HOOK3: variants seen among roughly 807,000 people sequenced by gnomAD.
HOOK3 encodes the protein hook microtubule tethering protein 3.
In HOOK3, 24 loss-of-function variants were observed where a neutral mutation model predicts 116.3. The observed-to-expected ratio is 0.21, with a 90% CI of 0.15 to 0.29. The LOEUF is 0.29. HOOK3 is among the 10% of genes least tolerant of loss of function. The probability of loss-of-function intolerance (pLI) is 1.00; values close to 1 mark genes in which losing one functional copy is unlikely to be tolerated. For synonymous variants in HOOK3, 275 were observed against 283.0 expected (o/e 0.97, Z 0.28); for missense variants, 632 against 830.2 (o/e 0.76, Z 2.93).
intron 2 of HOOK3, among the ~76,000 whole-genome samples, chr8:42,909,027 A>T (rs1014652183): frequency 6.6e-6 from 1 of 152,244 alleles, no homozygotes; most frequent in Non-Finnish European, 1.5e-5. Context: ...TCAAAAGAAG[A>T]TATACAGATG....
At chr8:42,902,597 A>G (rs1269474317) in intron 1 of HOOK3, among the ~76,000 whole-genome samples, 1 of 152,042 alleles carries the variant, frequency 6.6e-6, no homozygotes, top group East Asian at 1.9e-4. Context: ...AAACCCCCCC[A>G]GATGATTCCC....
intron 2 of HOOK3, among the ~76,000 whole-genome samples, chr8:42,909,955 A>T (rs1345187348): frequency 6.6e-6 from 1 of 152,170 alleles, no homozygotes; most frequent in African/African-American, 2.4e-5. Flanking sequence ...AATGGAGGAG[A>T]TGATAGTCAG....
At chr8:42,970,940 G>A (rs894954705) in intron 11 of HOOK3, among the ~76,000 whole-genome samples, 3 of 151,724 alleles carry the variant, frequency 2.0e-5, no homozygotes, top group Non-Finnish European at 2.9e-5. Flanking sequence ...AGTGTGTGCC[G>A]CCACACTCAG....
intron 13 of HOOK3, among the ~76,000 whole-genome samples, chr8:42,975,728 C>A (rs1004509953): frequency 6.6e-6 from 1 of 152,124 alleles, no homozygotes; most frequent in African/African-American, 2.4e-5. Context: ...TATGTTGAGA[C>A]GGAGTCTCGC....
chr8:42,905,845 G>GGAGGCC (rs1474856465), intron 1 of HOOK3, among the ~76,000 whole-genome samples: 1 of 151,322 alleles, frequency 6.6e-6, no homozygotes, highest in Non-Finnish European at 1.5e-5. Flanking sequence ...CAGCACTTCA[G>GGAGGCC]GAGGCCGAGG....
intron 19 of HOOK3, among the ~76,000 whole-genome samples, chr8:43,012,638 T>G (rs1809634680): frequency 6.6e-6 from 1 of 152,218 alleles, no homozygotes; most frequent in Admixed American, 6.5e-5. Flanking sequence ...CTTGCTCTGT[T>G]GCCCAGGCTG....
At chr8:42,911,786 G>A (rs562754251) in intron 2 of HOOK3, among the ~76,000 whole-genome samples, 79 of 152,234 alleles carry the variant, frequency 5.2e-4, no homozygotes, top group African/African-American at 1.8e-3. Context: ...AGTATCCACC[G>A]AAGAGAGTAT....
At chr8:42,998,531 C>T (rs917608000) in intron 16 of HOOK3, among the ~76,000 whole-genome samples, 3 of 152,014 alleles carry the variant, frequency 2.0e-5, no homozygotes, top group Admixed American at 1.3e-4. Flanking sequence ...AATTCCATTT[C>T]GCCTTATTAA....
chr8:42,912,636 A>C (rs1252380754), intron 2 of HOOK3, among the ~76,000 whole-genome samples: 1 of 152,216 alleles, frequency 6.6e-6, no homozygotes, highest in Non-Finnish European at 1.5e-5. Flanking sequence ...AAATATCAGC[A>C]AGAAAATACA....
intron 11 of HOOK3, among the ~76,000 whole-genome samples, 165 bp from the exon 12 acceptor site, chr8:42,973,124 G>T (rs761422363): frequency 1.5e-4 from 23 of 152,150 alleles, no homozygotes; most frequent in African/African-American, 5.6e-4. Flanking sequence ...AATAGTAACC[G>T]GGCAGGTTTT....
rs112310590 is a variant in HOOK3 at position 43,027,419 on chromosome 8, C to G, written c.*8921C>G. The G allele has an allele frequency of 2.8e-5, 9 of 323,910 alleles. No homozygotes were observed. Among genetic ancestry groups the G allele is most frequent in the African/African-American group, 1.7e-4 (5 of 28,760 alleles). The allele number at this position is 323,910 out of a possible 1,614,324, so 20.1% of individuals were successfully genotyped here. ...TTATGAGAACATTCTGTCATTTGTT[C>G]TGTTTGTAGATGAGAGACATGCTTT... On this transcript the variant is annotated 3_prime_UTR_variant, in exon 22 of 22. Coordinates refer to ENST00000307602, the MANE Select transcript of HOOK3 (RefSeq NM_032410.4).
At chr8:42,979,954 CT>C (rs1332932480) in intron 13 of HOOK3, among the ~76,000 whole-genome samples, 1 of 149,112 alleles carries the variant, frequency 6.7e-6, no homozygotes, top group African/African-American at 2.5e-5. Flanking sequence ...TTTGTTTTTT[CT>C]TTTTCTTTTC....
At chr8:43,005,017 A>G (rs1809451531) in intron 17 of HOOK3, among the ~76,000 whole-genome samples, 1 of 152,036 alleles carries the variant, frequency 6.6e-6, no homozygotes, top group African/African-American at 2.4e-5. Flanking sequence ...TGAATGAGGT[A>G]TATTCAAACA....
At chr8:42,994,775 A>G (rs1027093625) in intron 15 of HOOK3, among the ~76,000 whole-genome samples, 4 of 152,110 alleles carry the variant, frequency 2.6e-5, no homozygotes, top group African/African-American at 4.8e-5. Context: ...TTACATTACT[A>G]TTTTTGCTCA....
intron 1 of HOOK3, among the ~76,000 whole-genome samples, chr8:42,901,562 C>G (rs1807189393): frequency 6.6e-6 from 1 of 152,140 alleles, no homozygotes; most frequent in South Asian, 2.1e-4. Flanking sequence ...GGATCTGTTT[C>G]ACTTTGGTCT....
intron 10 of HOOK3, 107 bp downstream of exon 10, chr8:42,966,720 T>G: frequency 1.6e-6 from 2 of 1,218,624 alleles, no homozygotes; most frequent in Non-Finnish European, 2.3e-6. Flanking sequence ...TGGGCTGGGA[T>G]CCCGGGTCTA....
At chr8:43,013,483 C>G in intron 21 of HOOK3, 83 bp downstream of exon 21, 9 of 1,122,250 alleles carry the variant, frequency 8.0e-6, no homozygotes, top group Non-Finnish European at 1.1e-5. Flanking sequence ...GTAGAAGTCA[C>G]TCTACCAAAT....
chr8:43,016,539 G>A (rs1285770539), intron 21 of HOOK3, among the ~76,000 whole-genome samples: 1 of 152,172 alleles, frequency 6.6e-6, no homozygotes, highest in Non-Finnish European at 1.5e-5. Flanking sequence ...TGCTTCTCAG[G>A]TAACTTAAAT....
intron 13 of HOOK3, among the ~76,000 whole-genome samples, chr8:42,981,367 T>C (rs1808940064): frequency 1.3e-5 from 2 of 152,108 alleles, no homozygotes; most frequent in African/African-American, 2.4e-5. Flanking sequence ...ATAGTGTTTC[T>C]TATAAATTAC....
Sources: gnomAD v4.1 joint callset for allele counts (sites outside exome capture counted in the v4.1 genomes callset) on GRCh38, gnomAD v4.1.1 for gene constraint, MANE v1.5 for transcripts, NCBI Gene and HGNC (gene_info 2026-07-23, HGNC 2026-07-21) for gene names.